Variants in GSAP observed in about 807,000 individuals in gnomAD.
The protein encoded by GSAP is gamma-secretase activating protein, also known as gamma-secretase-activating protein.
Under a neutral mutation model 131.7 loss-of-function variants are expected in GSAP, and 118 were observed. That is an observed-to-expected ratio of 0.90 (90% CI 0.77 to 1.04). The LOEUF (loss-of-function observed/expected upper bound fraction) is 1.04, where lower values mean the gene tolerates loss of function less well. GSAP is among the 50% of genes least tolerant of loss of function. The pLI, the probability that GSAP is intolerant of heterozygous loss-of-function variation, is 0.00. For missense variants in GSAP, 1,019 were observed against 1,013.2 expected (o/e 1.01, Z -0.08); for synonymous variants, 381 against 363.4 (o/e 1.05, Z -0.55).
intron 19 of GSAP, chr7:77,330,608 A>C: frequency 5.8e-6 from 6 of 1,028,932 alleles, no homozygotes; most frequent in Non-Finnish European, 6.9e-6. Flanking sequence ...TTGTTTTTTT[A>C]AACCACATAG....
At chr7:77,341,827 T>G (rs1790952426) in intron 19 of GSAP, among the ~76,000 whole-genome samples, 2 of 152,230 alleles carry the variant, frequency 1.3e-5, no homozygotes, top group African/African-American at 4.8e-5. Flanking sequence ...GGCAGCCAAG[T>G]AGCAACATAT....
At chr7:77,352,877 G>T in intron 18 of GSAP, 67 bp downstream of exon 18, 1 of 899,596 alleles carries the variant, frequency 1.1e-6, no homozygotes, top group South Asian at 1.4e-5. Context: ...TAAGAGAGGT[G>T]TCCAACAACT....
At chr7:77,340,556 C>G (rs1790758495) in intron 19 of GSAP, among the ~76,000 whole-genome samples, 1 of 152,192 alleles carries the variant, frequency 6.6e-6, no homozygotes, top group South Asian at 2.1e-4. Flanking sequence ...CTCTTGCTAC[C>G]CTTCAATCTC....
intron 19 of GSAP, among the ~76,000 whole-genome samples, chr7:77,332,735 C>T (rs999246843): frequency 6.6e-5 from 10 of 152,196 alleles, no homozygotes; most frequent in East Asian, 1.9e-4. Context: ...TATTTTCACA[C>T]GAACTTACAT....
In GSAP at chr7:77,320,775, A is replaced by G. The variant is rs1419367421; in HGVS notation, c.2039T>C (p.Met680Thr). The G allele has an allele frequency of 6.2e-7, 1 of 1,612,876 alleles. No individual in the cohort carries two copies. Among genetic ancestry groups the G allele is most frequent in the African/African-American group, 1.3e-5 (1 of 75,024 alleles). Residue 680 changes from methionine (M) to threonine (T), a missense_variant, in exon 26 of 31, where the codon ATG (methionine) becomes ACG (threonine). Physicochemically the swap from Met to Thr is moderately conservative, Grantham distance 81 (BLOSUM62 -1). Coordinates refer to ENST00000257626, the MANE Select transcript of GSAP (RefSeq NM_017439.4). The stretch of plus-strand genomic sequence containing the variant: ...GTTTGTAGCTTCCAGAATCCTGGTC[A>G]TGATGTGAAAAACTGCAAATTCAGC... ...SAAEFAVFHI[M>T]TRILEATNSL...
chr7:77,357,606 C>A (rs568680849), intron 14 of GSAP, among the ~76,000 whole-genome samples: 2 of 152,278 alleles, frequency 1.3e-5, no homozygotes, highest in East Asian at 3.9e-4. Context: ...ACATAACATA[C>A]ACTAATAACA....
intron 19 of GSAP, chr7:77,330,763 A>G (rs892201424): frequency 1.2e-5 from 12 of 986,050 alleles, no homozygotes; most frequent in Non-Finnish European, 1.3e-5. Flanking sequence ...CATGTTCACT[A>G]AGAGAAAGTT....
intron 5 of GSAP, among the ~76,000 whole-genome samples, chr7:77,396,092 T>C (rs1450417094): frequency 6.6e-6 from 1 of 152,242 alleles, no homozygotes; most frequent in African/African-American, 2.4e-5. Flanking sequence ...CCAGTTCCAC[T>C]GGACTTGCTA....
chr7:77,345,523 A>G (rs1791664822), intron 19 of GSAP, among the ~76,000 whole-genome samples: 1 of 152,236 alleles, frequency 6.6e-6, no homozygotes, highest in South Asian at 2.1e-4. Context: ...GATGGCCTGA[A>G]GGAAGTGAAG....
chr7:77,404,844 G>C (rs2151180500), intron 2 of GSAP, among the ~76,000 whole-genome samples: 1 of 152,110 alleles, frequency 6.6e-6, no homozygotes, highest in South Asian at 2.1e-4. Flanking sequence ...CTGTCTAGTA[G>C]GACTGAGCAT....
intron 1 of GSAP, among the ~76,000 whole-genome samples, chr7:77,413,283 T>C (rs767859447): frequency 4.3e-4 from 65 of 152,302 alleles, no homozygotes; most frequent in Middle Eastern, 3.4e-3. Context: ...AGTTGTCCCA[T>C]GTTCAGTCAA....
At position 77,388,996 on chromosome 7, in the gene GSAP, A is replaced by G. The variant is rs569984408; in HGVS notation, c.368-1548T>C. 1.5e-3 allele frequency among the ~76,000 whole-genome samples: 222 copies of G among 152,298 alleles called. 2 individuals are homozygous for G. Among genetic ancestry groups the G allele is most frequent in the African/African-American group, 5.1e-3 (212 of 41,566 alleles). On this transcript the variant is annotated intron_variant, in intron 5 of 30. Coordinates refer to ENST00000257626, the MANE Select transcript of GSAP (RefSeq NM_017439.4). ...GTGACAGGATCTTACAACCAAGGGT[A>G]TGGATGAGTTACTTTGGGAATCTAC...
upstream of GSAP, chr7:77,416,411 C>A: frequency 1.7e-6 from 1 of 599,804 alleles, no homozygotes; most frequent in Non-Finnish European, 2.7e-6. Flanking sequence ...CGTCCCCGCT[C>A]CCGCCCCCTC....
chr7:77,380,708 T>TA lies in GSAP; in HGVS notation c.576+596dup, dbSNP rs371998335. Reference sequence around the variant, plus strand: ...ATACCAGGTTGTGAACAAAAGAGATTAAAAAAAAAAGTACATGTGGAAAAC... The same window carrying TA: ...ATACCAGGTTGTGAACAAAAGAGATTAAAAAAAAAAAGTACATGTGGAAAAC... On this transcript the variant is annotated intron_variant, in intron 8 of 30. Transcript: ENST00000257626. Among the ~76,000 whole-genome samples the TA allele has an allele frequency of 2.9e-4, 42 of 145,128 alleles. 1 individual carries two copies. The highest frequency in any genetic ancestry group is 1.1e-3 in the South Asian group (5 of 4,598).
intron 22 of GSAP, chr7:77,328,137 G>C (rs1056924622): frequency 1.2e-6 from 1 of 830,490 alleles, no homozygotes; most frequent in Non-Finnish European, 1.5e-6. Flanking sequence ...TCAAGCCTGT[G>C]CTCTTTCCCC....
At chr7:77,399,120 C>T (rs1312734357) in intron 3 of GSAP, among the ~76,000 whole-genome samples, 1 of 152,130 alleles carries the variant, frequency 6.6e-6, no homozygotes, top group Admixed American at 6.6e-5. Flanking sequence ...TGAATTTGTG[C>T]AGATATTTCT....
At chr7:77,405,979 A>C (rs1802195692) in intron 2 of GSAP, 50 bp downstream of exon 2, 1 of 675,556 alleles carries the variant, frequency 1.5e-6, no homozygotes, top group East Asian at 7.7e-5. Flanking sequence ...TAAATGATTA[A>C]AAACAGTAAA....
intron 8 of GSAP, among the ~76,000 whole-genome samples, chr7:77,379,159 C>T (rs545966576): frequency 6.6e-5 from 10 of 152,006 alleles, no homozygotes; most frequent in East Asian, 1.9e-4. Flanking sequence ...ATCTGAGAAC[C>T]GTTCCAGGTA....
At chr7:77,378,419 G>T (rs1272213846) in intron 8 of GSAP, among the ~76,000 whole-genome samples, 1 of 152,042 alleles carries the variant, frequency 6.6e-6, no homozygotes, top group Admixed American at 6.6e-5. Context: ...AACAGGCGGA[G>T]GTTACAGTGA....
Sources: allele counts gnomAD v4.1 joint callset (sites outside exome capture counted in the v4.1 genomes callset), GRCh38; gene constraint gnomAD v4.1.1; transcripts MANE v1.5; gene names NCBI Gene and HGNC (gene_info 2026-07-23, HGNC 2026-07-21).